Variants in CYSLTR2 observed in about 807,000 individuals in gnomAD.
CYSLTR2 encodes the protein G-protein coupled receptor GPCR21.
For missense variants in CYSLTR2, 398 were observed against 411.9 expected (o/e 0.97, Z 0.29); for synonymous variants, 179 against 160.8 (o/e 1.11, Z -0.86).
chr13:48,685,271 AACTC>A (rs1414825557), intron 1 of CYSLTR2, among the ~76,000 whole-genome samples: 9 of 62,658 alleles, frequency 1.4e-4, no homozygotes, highest in Non-Finnish European at 2.9e-4. Context: ...CACTCACGAG[AACTC>A]ACTCACGAGA....
rs1954530924 is a variant in CYSLTR2 at position 48,707,474 on chromosome 13, C to T, written c.657C>T (p.Ile219=). The T allele has an allele frequency of 2.5e-6, 4 of 1,613,438 alleles. No homozygotes were observed. The highest frequency in any genetic ancestry group is 1.7e-5 in the Admixed American group (1 of 60,002). ...TGCTGCCATTTTTCACACTCAGCATCTGTTATCTGCTGATCATTCGGGTTC... is the reference window on the plus strand; with the variant it reads ...TGCTGCCATTTTTCACACTCAGCATTTGTTATCTGCTGATCATTCGGGTTC... The part of the protein sequence containing the change: ...GCLLPFFTLS[I]CYLLIIRVLL... The change falls in exon 5 of 5, where the codon ATC becomes ATT. Residue 219 remains isoleucine (I), a synonymous_variant. Transcript: ENST00000682523.
rs1952934404 is a variant in CYSLTR2, at chr13:48,653,938, A to T, written c.-345A>T. On this transcript the variant is annotated 5_prime_UTR_variant, in exon 1 of 5. Coordinates refer to ENST00000682523, the MANE Select transcript of CYSLTR2 (RefSeq NM_001308476.3). ...TCTTTCACTTTTCTTTGAAATGAGC[A>T]ACCTGAATTACTCGGAGGAGAAAGG... 1 of 152,180 alleles carries T rather than the reference A, an allele frequency of 6.6e-6. No homozygotes were observed. The highest frequency in any genetic ancestry group is 1.5e-5 in the Non-Finnish European group (1 of 68,046). 9.4% of individuals were successfully genotyped at this position (152,180 alleles called of 1,614,324 possible). A position where few individuals can be genotyped will look rare whatever the true frequency, so the allele number is the denominator to read the frequency against.
intron 1 of CYSLTR2, among the ~76,000 whole-genome samples, chr13:48,673,697 G>A (rs1461548645): frequency 1.3e-5 from 2 of 152,040 alleles, no homozygotes; most frequent in African/African-American, 4.8e-5. Context: ...CACATTAGTT[G>A]ATGCAGTTTC....
chr13:48,671,601 C>T (rs1266659665), intron 1 of CYSLTR2, among the ~76,000 whole-genome samples: 2 of 152,162 alleles, frequency 1.3e-5, no homozygotes, highest in Non-Finnish European at 2.9e-5. Context: ...GTATGTTGAA[C>T]CAGCCTTGCA....
intron 4 of CYSLTR2, among the ~76,000 whole-genome samples, chr13:48,704,277 G>A (rs920476781): frequency 1.3e-5 from 2 of 152,136 alleles, no homozygotes; most frequent in Admixed American, 6.5e-5. Context: ...ATAATCTCAC[G>A]GTTTGAAGGC....
intron 1 of CYSLTR2, among the ~76,000 whole-genome samples, chr13:48,678,467 A>T (rs1953660912): frequency 6.6e-6 from 1 of 151,796 alleles, no homozygotes; most frequent in Non-Finnish European, 1.5e-5. Flanking sequence ...CTGTCCCTTA[A>T]TTGTTGGTGT....
chr13:48,661,189 C>A (rs866402307), intron 1 of CYSLTR2, among the ~76,000 whole-genome samples: 2 of 151,882 alleles, frequency 1.3e-5, no homozygotes, highest in Admixed American at 6.6e-5. Flanking sequence ...TGGGCTCAAG[C>A]GATCTTCCTG....
At chr13:48,666,191 G>GT (rs1311457988) in intron 1 of CYSLTR2, among the ~76,000 whole-genome samples, 2 of 152,160 alleles carry the variant, frequency 1.3e-5, no homozygotes, top group Non-Finnish European at 2.9e-5. Context: ...TCATGGACAG[G>GT]TTTTTTCTTT....
intron 1 of CYSLTR2, among the ~76,000 whole-genome samples, chr13:48,654,808 G>A (rs767019977): frequency 6.6e-6 from 1 of 152,190 alleles, no homozygotes; most frequent in African/African-American, 2.4e-5. Context: ...TTGGAGATCA[G>A]TGAGTCATCT....
At chr13:48,706,342 T>G (rs1044255387) in intron 4 of CYSLTR2, among the ~76,000 whole-genome samples, 2 of 152,246 alleles carry the variant, frequency 1.3e-5, no homozygotes, top group African/African-American at 4.8e-5. Context: ...GTCTTAGTTT[T>G]CCGTCTGAAA....
At chr13:48,663,405 A>G (rs997303464) in intron 1 of CYSLTR2, among the ~76,000 whole-genome samples, 1 of 152,180 alleles carries the variant, frequency 6.6e-6, no homozygotes, top group East Asian at 1.9e-4. Flanking sequence ...TAGGAATTGC[A>G]TTGAATCTGT....
chr13:48,695,850 A>G (rs919520004), intron 3 of CYSLTR2, among the ~76,000 whole-genome samples: 1 of 152,268 alleles, frequency 6.6e-6, no homozygotes, highest in Admixed American at 6.5e-5. Context: ...GCTATTACAA[A>G]TAAAACTGCA....
intron 1 of CYSLTR2, among the ~76,000 whole-genome samples, chr13:48,665,695 A>G (rs767041748): frequency 1.3e-5 from 2 of 152,038 alleles, no homozygotes; most frequent in Non-Finnish European, 2.9e-5. Context: ...GTCTATGTAT[A>G]TCTTTACAGG....
At chr13:48,698,057 C>T (rs1461043690) in intron 4 of CYSLTR2, among the ~76,000 whole-genome samples, 1 of 152,114 alleles carries the variant, frequency 6.6e-6, no homozygotes, top group Non-Finnish European at 1.5e-5. Context: ...GGTGTACCTG[C>T]AAGTGACGGG....
At chr13:48,697,640 C>A (rs1047614269) in intron 4 of CYSLTR2, among the ~76,000 whole-genome samples, 1 of 152,172 alleles carries the variant, frequency 6.6e-6, no homozygotes, top group African/African-American at 2.4e-5. Flanking sequence ...TTGCCAGCAA[C>A]GGAACAAAGC....
At chr13:48,674,372 T>A (rs549993497) in intron 1 of CYSLTR2, among the ~76,000 whole-genome samples, 1 of 152,340 alleles carries the variant, frequency 6.6e-6, no homozygotes, top group East Asian at 1.9e-4. Flanking sequence ...ATTAAGTAGA[T>A]CTTCAATCTC....
At chr13:48,670,410 G>C (rs548253487) in intron 1 of CYSLTR2, among the ~76,000 whole-genome samples, 3 of 152,236 alleles carry the variant, frequency 2.0e-5, no homozygotes, top group East Asian at 3.9e-4. Context: ...TATGGTTTTA[G>C]GTCTTATGTT....
At position 48,708,298 on chromosome 13, in the gene CYSLTR2, C is replaced by T. The variant is rs1317448865; in HGVS notation, c.*440C>T. ...GAAGCCCCAGAGCAGAAAAGAAGCA[C>T]ATCCTAAGATTCAGGGAAAGACTAA... On this transcript the variant is annotated 3_prime_UTR_variant, in exon 5 of 5. Transcript: ENST00000682523. The T allele has an allele frequency of 5.9e-6, 1 of 168,886 alleles. No individual in the cohort carries two copies. The highest frequency in any genetic ancestry group is 1.4e-5 in the Non-Finnish European group (1 of 69,632). The allele number at this position is 168,886 out of a possible 1,614,324, so 10.5% of individuals were successfully genotyped here. A position where few individuals can be genotyped will look rare whatever the true frequency, so the allele number is the denominator to read the frequency against.
At chr13:48,683,965 C>T (rs889846733) in intron 1 of CYSLTR2, among the ~76,000 whole-genome samples, 2 of 152,212 alleles carry the variant, frequency 1.3e-5, no homozygotes, top group Admixed American at 1.3e-4. Context: ...GTCATCCAGA[C>T]TGAAGTATAG....
Sources: gnomAD v4.1 joint callset for allele counts (sites outside exome capture counted in the v4.1 genomes callset) on GRCh38, gnomAD v4.1.1 for gene constraint, MANE v1.5 for transcripts, NCBI Gene and HGNC (gene_info 2026-07-23, HGNC 2026-07-21) for gene names.